The following CCDC28B variants were observed in gnomAD, a reference collection of about 807,000 sequenced individuals.
The protein encoded by CCDC28B is coiled-coil domain-containing protein 28B.
A neutral mutation model predicts 18.7 loss-of-function variants in CCDC28B; 17 were observed. The observed-to-expected ratio is 0.91, with a 90% CI of 0.62 to 1.36. CCDC28B has a LOEUF of 1.36. CCDC28B is among the 40% of genes most tolerant of loss of function. CCDC28B has a pLI of 0.00. For missense variants in CCDC28B, 213 were observed against 251.7 expected, an observed-to-expected ratio of 0.85 and a Z score of 1.04; for synonymous variants, 116 against 105.1, an observed-to-expected ratio of 1.10 and a Z score of -0.64.
At chr1:32,198,630 G>C (rs1643076986), upstream of CCDC28B, among the ~76,000 whole-genome samples, 1 of 152,230 alleles carries the variant, frequency 6.6e-6, no homozygotes, top group South Asian at 2.1e-4. Flanking sequence ...GCAGAGAGGA[G>C]GCCCCTGCCC....
chr1:32,201,884 C>T, intron 1 of CCDC28B, 29 bp from the exon 2 acceptor site: 1 of 1,527,898 alleles, frequency 6.5e-7, no homozygotes, highest in East Asian at 2.3e-5. Context: ...TTGCCCCTGG[C>T]TATCTTTGTG....
chr1:32,204,556 TC>T, intron 4 of CCDC28B, 41 bp from the exon 5 acceptor site: 2 of 1,535,180 alleles, frequency 1.3e-6, no homozygotes, highest in Non-Finnish European at 1.7e-6. Context: ...TTGGCCTGGT[TC>T]CCCTCCTAAC....
chr1:32,204,457 G>T, intron 4 of CCDC28B, 78 bp downstream of exon 4: 2 of 1,517,362 alleles, frequency 1.3e-6, no homozygotes, highest in South Asian at 1.3e-5. Flanking sequence ...GCCATTCCTG[G>T]GCCCTGGGTG....
In CCDC28B at chr1:32,205,276, T is replaced by C. The variant is rs1482441423; in HGVS notation, c.*28T>C. 6.9e-6 allele frequency: 11 copies of C among 1,589,068 alleles called. No individual in the cohort carries two copies. The highest frequency in any genetic ancestry group is 1.1e-5 in the South Asian group (1 of 88,554). ...GTCCCACGCAGGCCCACACTGCCCCTCTCATTCTCTTCAAACTGTGACTTT... is the reference window on the plus strand; with the variant it reads ...GTCCCACGCAGGCCCACACTGCCCCCCTCATTCTCTTCAAACTGTGACTTT... On this transcript the variant is annotated 3_prime_UTR_variant, in exon 6 of 6. Transcript: ENST00000373602. This position sits in a 1 kb window ranked among gnomAD's most constrained non-coding sequence, Gnocchi z 5.6.
chr1:32,204,567 CAG>C, intron 4 of CCDC28B, 29 bp from the exon 5 acceptor site: 1 of 1,545,486 alleles, frequency 6.5e-7, no homozygotes, highest in South Asian at 1.3e-5. Context: ...CCCCTCCTAA[CAG>C]AAGCCTCCCT....
Position 32,203,761 on chromosome 1 carries a change from G to C in CCDC28B, c.165-118G>C, listed in dbSNP as rs988207779. On this transcript the variant is annotated intron_variant, in intron 2 of 5. Coordinates refer to ENST00000373602, the MANE Select transcript of CCDC28B (RefSeq NM_024296.5). Reference sequence around the variant, plus strand: ...ACCCATTTATGCTAGTAAGTAGATGGGCAGATGAGTTAGTGCAGATAGACA... The same window carrying C: ...ACCCATTTATGCTAGTAAGTAGATGCGCAGATGAGTTAGTGCAGATAGACA... 34 of 734,518 alleles carry C rather than the reference G, an allele frequency of 4.6e-5. 1 individual carries two copies. In the Admixed American group the frequency reaches 8.5e-4, roughly 18 times the overall value. The allele number at this position is 734,518 out of a possible 1,614,324, so 45.5% of individuals were successfully genotyped here. A position where few individuals can be genotyped will look rare whatever the true frequency, so the allele number is the denominator to read the frequency against.
rs139726726 is a variant in CCDC28B at position 32,201,427 on chromosome 1, G to T, written c.-23-486G>T. Among the ~76,000 whole-genome samples, 809 of 152,196 alleles carry T rather than the reference G, an allele frequency of 5.3e-3. 7 individuals are homozygous for T. Among genetic ancestry groups the T allele is most frequent in the African/African-American group, 6.7e-3 (279 of 41,530 alleles). ...CGGCTTCTCCTACAATTACCCACAC[G>T]CTGGGGCTTTCCCAGGCGCCCCTAC... On this transcript the variant is annotated intron_variant, in intron 1 of 5. Transcript: ENST00000373602.
intron 5 of CCDC28B, 137 bp downstream of exon 5, chr1:32,204,757 C>T: frequency 3.7e-6 from 6 of 1,613,484 alleles, no homozygotes; most frequent in South Asian, 1.1e-5. Context: ...CCACAGACTG[C>T]CCAAACCCAG....
chr1:32,199,027 G>A (rs563899673), upstream of CCDC28B, among the ~76,000 whole-genome samples: 2 of 152,178 alleles, frequency 1.3e-5, no homozygotes, highest in Non-Finnish European at 2.9e-5. Context: ...CTAATTGTAT[G>A]CATTCCTTAA....
chr1:32,202,449 T>C, intron 2 of CCDC28B: 1 of 411,868 alleles, frequency 2.4e-6, no homozygotes. Flanking sequence ...TTGGGGGCCC[T>C]GGAGTATCAG....
At chr1:32,203,527 AG>A (rs1260595013) in intron 2 of CCDC28B, among the ~76,000 whole-genome samples, 1 of 152,176 alleles carries the variant, frequency 6.6e-6, no homozygotes, top group African/African-American at 2.4e-5. Flanking sequence ...GGTGGCAATA[AG>A]GGAGTAGCTG....
At chr1:32,200,912 GGTCAA>G (rs1037421164) in intron 1 of CCDC28B, among the ~76,000 whole-genome samples, 1 of 152,136 alleles carries the variant, frequency 6.6e-6, no homozygotes, top group Non-Finnish European at 1.5e-5. Flanking sequence ...TCCCTAATTG[GGTCAA>G]GCTGCTGCAC....
chr1:32,198,187 G>C (rs1004458548), upstream of CCDC28B: 3 of 152,282 alleles, frequency 2.0e-5, no homozygotes, highest in Non-Finnish European at 4.4e-5. Flanking sequence ...GTTTGAAGCT[G>C]CACTGGCAGC....
rs367652091 is a variant in CCDC28B, at chr1:32,205,227, T to C, written c.582T>C (p.Pro194=). The C allele has an allele frequency of 1.2e-6, 2 of 1,613,680 alleles. No individual in the cohort carries two copies. Among genetic ancestry groups the C allele is most frequent in the African/African-American group, 2.7e-5 (2 of 74,942 alleles). The change falls in exon 6 of 6, where the codon CCT becomes CCC. Residue 194 remains proline (P), a synonymous_variant. Transcript: ENST00000373602. The surrounding 1 kb of genome is among the most constrained non-coding windows in gnomAD (Gnocchi z 5.6). The part of the protein sequence containing the change: ...QKLHLAENAE[P]EEQSAA The stretch of plus-strand genomic sequence containing the variant: ...TGCACCTGGCCGAGAACGCCGAGCC[T>C]GAGGAGCAGTCCGCTGCGTAGGCGT...
Position 32,204,206 on chromosome 1 carries a change from C to G in CCDC28B, c.352C>G (p.Gln118Glu), listed in dbSNP as rs1643238650. Residue 118 changes from glutamine (Q) to glutamate (E), a missense_variant, in exon 4 of 6, where the codon CAG (glutamine) becomes GAG (glutamate). Transcript: ENST00000373602. ...TCCAGGGAAGGAATGCTCCTTTGAG[C>G]AGCTGGAGCACGTTCGGGAGATGCA... The part of the protein sequence containing the change: ...QAFGKECSFE[Q>E]LEHVREMQEK... The G allele has an allele frequency of 1.2e-6, 2 of 1,614,068 alleles. No individual in the cohort carries two copies. Among genetic ancestry groups the G allele is most frequent in the Non-Finnish European group, 1.7e-6 (2 of 1,180,002 alleles).
chr1:32,200,718 C>T lies in CCDC28B; in HGVS notation c.-24+9C>T, dbSNP rs1055952870. On this transcript the variant is annotated intron_variant, in intron 1 of 5. Coordinates refer to ENST00000373602, the MANE Select transcript of CCDC28B (RefSeq NM_024296.5). ...AGACCCCAAACCTCCAGGTCAGTAG[C>T]CCCCTGAGGGAGTGAGGGCGGGGGC... 3 of 152,192 alleles carry T rather than the reference C, an allele frequency of 2.0e-5. No homozygotes were observed. The highest frequency in any genetic ancestry group is 7.2e-5 in the African/African-American group (3 of 41,428). The allele number at this position is 152,192 out of a possible 1,614,324, so 9.4% of individuals were successfully genotyped here.
chr1:32,204,559 C>T (rs374916193), intron 4 of CCDC28B, 39 bp from the exon 5 acceptor site: 3 of 1,539,984 alleles, frequency 1.9e-6, no homozygotes, highest in East Asian at 4.5e-5. Context: ...GCCTGGTTCC[C>T]CTCCTAACAG....
At chr1:32,199,438 C>A (rs1463240440), upstream of CCDC28B, among the ~76,000 whole-genome samples, 3 of 152,062 alleles carry the variant, frequency 2.0e-5, no homozygotes, top group Non-Finnish European at 4.4e-5. Context: ...GGTTTCTGAC[C>A]CCCCAGTGAA....
intron 2 of CCDC28B, among the ~76,000 whole-genome samples, chr1:32,203,430 C>A (rs1297841309): frequency 1.3e-5 from 2 of 152,052 alleles, no homozygotes; most frequent in Non-Finnish European, 2.9e-5. Context: ...GCACTCCAGC[C>A]TGGGCAACAG....
Sources: allele counts gnomAD v4.1 joint callset (sites outside exome capture counted in the v4.1 genomes callset), GRCh38; gene constraint gnomAD v4.1.1; non-coding constraint Gnocchi (gnomAD v3.1); transcripts MANE v1.5; gene names NCBI Gene and HGNC (gene_info 2026-07-23, HGNC 2026-07-21).